EPHA6: variants seen among roughly 807,000 people sequenced by gnomAD.
The protein encoded by EPHA6 is ephrin type-A receptor 6.
A neutral mutation model predicts 112.0 loss-of-function variants in EPHA6; 50 were observed. The observed-to-expected ratio is 0.45, with a 90% CI of 0.36 to 0.56. The LOEUF is 0.56. Ranked by LOEUF, EPHA6 falls within the 20% of genes least tolerant of loss-of-function variation. The pLI is 0.00. For synonymous variants in EPHA6, 529 were observed against 490.7 expected (o/e 1.08, Z -1.03); for missense variants, 1,280 against 1,417.4 (o/e 0.90, Z 1.56).
Position 97,579,100 on chromosome 3 carries a change from C to T in EPHA6, c.2387-13512C>T, listed in dbSNP as rs1412200897. On this transcript the variant is annotated intron_variant, in intron 11 of 17. Transcript: ENST00000389672. ...ACAGTTTGCTAGATTATAGCTAAAT[C>T]TATACTTAAATACAAACTCTCTGGC... Among the ~76,000 whole-genome samples the T allele has an allele frequency of 2.0e-5, 3 of 152,278 alleles. No homozygotes were observed. In the East Asian group the frequency reaches 5.8e-4, roughly 29 times the overall value.
At chr3:96,887,362 T>C (rs1022152735) in intron 2 of EPHA6, among the ~76,000 whole-genome samples, 6 of 152,172 alleles carry the variant, frequency 3.9e-5, no homozygotes, top group African/African-American at 1.4e-4. Flanking sequence ...TTCTCTCTTC[T>C]GGGTCTAGCC....
rs541604188 is a variant in EPHA6 at position 97,266,977 on chromosome 3, A to G, written c.1606+22690A>G. 2.8e-4 allele frequency among the ~76,000 whole-genome samples: 43 copies of G among 152,296 alleles called. 1 individual carries two copies. Among genetic ancestry groups the G allele is most frequent in the Middle Eastern group, 6.8e-3 (2 of 294 alleles). On this transcript the variant is annotated intron_variant, in intron 5 of 17. Coordinates refer to ENST00000389672, the MANE Select transcript of EPHA6 (RefSeq NM_001080448.3). ...AGGAATAAAGGGGTAGAGTCATCAAATAGAATCAGAGATGGAACTATTGAG... is the reference window on the plus strand; with the variant it reads ...AGGAATAAAGGGGTAGAGTCATCAAGTAGAATCAGAGATGGAACTATTGAG...
At chr3:96,962,093 T>C (rs1368852473) in intron 2 of EPHA6, among the ~76,000 whole-genome samples, 1 of 152,178 alleles carries the variant, frequency 6.6e-6, no homozygotes, top group African/African-American at 2.4e-5. Flanking sequence ...TGTTGATTCC[T>C]CAGCACTTTC....
chr3:97,133,263 G>A (rs2108332453), intron 3 of EPHA6, among the ~76,000 whole-genome samples: 1 of 152,048 alleles, frequency 6.6e-6, no homozygotes, highest in Admixed American at 6.6e-5. Context: ...ATCTATATTT[G>A]GTGCAGTCAA....
At chr3:97,178,861 C>CA (rs1476856361) in intron 3 of EPHA6, among the ~76,000 whole-genome samples, 1 of 152,022 alleles carries the variant, frequency 6.6e-6, no homozygotes, top group East Asian at 1.9e-4. Context: ...CTATGACCTT[C>CA]TTGTATTTGG....
intron 5 of EPHA6, among the ~76,000 whole-genome samples, chr3:97,284,109 C>G (rs1202458123): frequency 1.3e-5 from 2 of 151,982 alleles, no homozygotes; most frequent in Non-Finnish European, 2.9e-5. Flanking sequence ...TAAATAAATT[C>G]TATATCAAAA....
chr3:97,405,377 C>G (rs1339559528), intron 6 of EPHA6, 103 bp downstream of exon 6: 2 of 1,037,438 alleles, frequency 1.9e-6, no homozygotes, highest in Non-Finnish European at 2.7e-6. Context: ...AAACCCTGTT[C>G]TTCTTTGGCC....
At chr3:97,291,854 C>T (rs1326865853) in intron 5 of EPHA6, among the ~76,000 whole-genome samples, 6 of 152,178 alleles carry the variant, frequency 3.9e-5, no homozygotes, top group Admixed American at 1.3e-4. Context: ...CTTCACCAGC[C>T]GGAAACCTCT....
At chr3:97,484,474 A>G (rs2091648429) in intron 10 of EPHA6, among the ~76,000 whole-genome samples, 1 of 152,206 alleles carries the variant, frequency 6.6e-6, no homozygotes, top group South Asian at 2.1e-4. Flanking sequence ...ATTTGGTTCA[A>G]TGTAGTTTTA....
At chr3:96,880,007 C>T (rs927855918) in intron 2 of EPHA6, among the ~76,000 whole-genome samples, 22 of 151,866 alleles carry the variant, frequency 1.4e-4, no homozygotes, top group South Asian at 4.2e-4. Flanking sequence ...GTACAATGTA[C>T]GCTATTTGGG....
At chr3:97,084,089 T>C (rs1474382478) in intron 3 of EPHA6, among the ~76,000 whole-genome samples, 1 of 116,318 alleles carries the variant, frequency 8.6e-6, no homozygotes, top group Non-Finnish European at 1.7e-5. Context: ...TGTGTGTGTG[T>C]GTGTGTGCAT....
intron 5 of EPHA6, among the ~76,000 whole-genome samples, chr3:97,317,550 C>T (rs942570075): frequency 6.6e-6 from 1 of 151,632 alleles, no homozygotes; most frequent in Non-Finnish European, 1.5e-5. Context: ...TTCGATATAC[C>T]CTTCAGATTG....
intron 5 of EPHA6, among the ~76,000 whole-genome samples, chr3:97,323,709 C>T (rs1430348429): frequency 2.0e-5 from 3 of 151,806 alleles, no homozygotes; most frequent in Admixed American, 6.6e-5. Flanking sequence ...CGTAAATGGT[C>T]TCTATTGACT....
intron 14 of EPHA6, chr3:97,646,418 T>A: frequency 1.3e-6 from 1 of 794,900 alleles, no homozygotes; most frequent in Non-Finnish European, 1.8e-6. Flanking sequence ...GATTTACACC[T>A]AAATATAAGT....
intron 5 of EPHA6, among the ~76,000 whole-genome samples, chr3:97,404,393 T>C (rs1232087631): frequency 6.6e-6 from 1 of 152,170 alleles, no homozygotes; most frequent in Non-Finnish European, 1.5e-5. Flanking sequence ...TTTTATTTTT[T>C]CTGAATGATT....
At chr3:96,906,456 T>G (rs139743617) in intron 2 of EPHA6, among the ~76,000 whole-genome samples, 1 of 152,186 alleles carries the variant, frequency 6.6e-6, no homozygotes, top group Non-Finnish European at 1.5e-5. Context: ...CATCAAGACC[T>G]CTTGTGTCAC....
At chr3:97,102,251 A>G (rs931360841) in intron 3 of EPHA6, among the ~76,000 whole-genome samples, 1 of 152,070 alleles carries the variant, frequency 6.6e-6, no homozygotes, top group Non-Finnish European at 1.5e-5. Flanking sequence ...GTATGAGTGA[A>G]GCAATCTTGG....
intron 15 of EPHA6, among the ~76,000 whole-genome samples, chr3:97,731,559 T>G (rs1441049478): frequency 6.6e-6 from 1 of 152,076 alleles, no homozygotes; most frequent in Non-Finnish European, 1.5e-5. Flanking sequence ...GAGGCTACCA[T>G]GATGATAATA....
At chr3:97,509,332 C>G (rs1453296409) in intron 10 of EPHA6, among the ~76,000 whole-genome samples, 1 of 151,860 alleles carries the variant, frequency 6.6e-6, no homozygotes, top group African/African-American at 2.4e-5. Flanking sequence ...ACCGGTTGTT[C>G]CATTGCATGT....
Sources: allele counts gnomAD v4.1 joint callset (sites outside exome capture counted in the v4.1 genomes callset), GRCh38; gene constraint gnomAD v4.1.1; transcripts MANE v1.5; gene names NCBI Gene and HGNC (gene_info 2026-07-23, HGNC 2026-07-21).